The following FAT3 variants were observed in gnomAD, a reference collection of about 807,000 sequenced individuals.
FAT3 encodes protocadherin Fat 3.
In FAT3, 95 loss-of-function variants were observed where a neutral mutation model predicts 310.2. The ratio of observed to expected loss-of-function variants is 0.31; its 90% CI spans 0.26 to 0.36. FAT3 has a LOEUF of 0.36. Ranked by LOEUF, FAT3 falls within the 10% of genes least tolerant of loss-of-function variation. The probability of loss-of-function intolerance (pLI) is 1.00; values close to 1 mark genes in which losing one functional copy is unlikely to be tolerated. For missense variants in FAT3, 5,408 were observed against 5,715.6 expected, an observed-to-expected ratio of 0.95 and a Z score of 1.74; for synonymous variants, 2,314 against 2,192.9, an observed-to-expected ratio of 1.06 and a Z score of -1.54.
At chr11:92,855,118 A>G (rs1197237331) in intron 19 of FAT3, among the ~76,000 whole-genome samples, 1 of 152,224 alleles carries the variant, frequency 6.6e-6, no homozygotes, top group Non-Finnish European at 1.5e-5. Flanking sequence ...CTACTGGTCA[A>G]TATTTAGGAG....
intron 3 of FAT3, among the ~76,000 whole-genome samples, chr11:92,526,940 C>T (rs605677): frequency 0.48 from 72,961 of 152,000 alleles, 17,649 homozygotes; most frequent in Middle Eastern, 0.62. Context: ...CTTATTGTAC[C>T]TATTACTTTT....
intron 3 of FAT3, among the ~76,000 whole-genome samples, chr11:92,549,558 G>A (rs1281980676): frequency 6.6e-6 from 1 of 151,536 alleles, no homozygotes; most frequent in East Asian, 2.0e-4. Context: ...TTATGACTTT[G>A]GCATTTACTT....
At position 92,890,621 on chromosome 11, in the gene FAT3, C is replaced by T. The variant is rs933295331; in HGVS notation, c.13278C>T (p.Tyr4426=). 1 of 1,613,870 alleles carries T rather than the reference C, an allele frequency of 6.2e-7. No individual in the cohort carries two copies. ...GCACACGGGAGCTGGAGAGCGATTA[C>T]TACCTGGGTGGTTATGACATTGACA... The part of the protein sequence containing the change: ...QGSTRELESD[Y]YLGGYDIDSE... Residue 4426 remains tyrosine (Y), a synonymous_variant, in exon 28 of 28, where the codon TAC becomes TAT. Coordinates refer to ENST00000525166, the MANE Select transcript of FAT3 (RefSeq NM_001367949.2).
chr11:92,798,668 G>T lies in FAT3; in HGVS notation c.5655G>T (p.Gln1885His). ...DVNDNPPVFT[Q>H]AVFETILLLP... Reference sequence around the variant, plus strand: ...ATGATAACCCACCTGTTTTTACTCAGGCTGTGTTTGAGACTATCTTACTTC... The same window carrying T: ...ATGATAACCCACCTGTTTTTACTCATGCTGTGTTTGAGACTATCTTACTTC... The change falls in exon 10 of 28, where the codon CAG (glutamine) becomes CAT (histidine). Residue 1885 changes from glutamine to histidine, a missense_variant. Around this residue, in one of 5 missense-constraint regions of FAT3, gnomAD observed 4,588 missense variants for 4,809.8 expected, o/e 0.95. Transcript: ENST00000525166. 6.2e-7 allele frequency: 1 copy of T among 1,613,720 alleles called. No individual in the cohort carries two copies. The highest frequency in any genetic ancestry group is 8.5e-7 in the Non-Finnish European group (1 of 1,179,814).
intron 3 of FAT3, among the ~76,000 whole-genome samples, chr11:92,624,438 C>T (rs569527749): frequency 7.7e-4 from 117 of 152,262 alleles, no homozygotes; most frequent in African/African-American, 2.6e-3. Context: ...AGACTAAGGA[C>T]ACTTTTCTCT....
rs149854156 is a variant in FAT3, at chr11:92,650,372, G to A, written c.3608-47012G>A. Among the ~76,000 whole-genome samples the A allele has an allele frequency of 4.6e-5, 7 of 152,152 alleles. No individual in the cohort carries two copies. The East Asian group carries it at 5.8e-4, about 13-fold the overall frequency. On this transcript the variant is annotated intron_variant, in intron 3 of 27. Coordinates refer to ENST00000525166, the MANE Select transcript of FAT3 (RefSeq NM_001367949.2). ...GACAAATCTTAATATTCACAGCCTC[G>A]CTACATACCTATCCTTCTGTTTGCA...
Position 92,355,395 on chromosome 11 carries a change from G to A in FAT3, c.3283G>A (p.Asp1095Asn), listed in dbSNP as rs774427780. ...TGGTCTTGGAAGGTTCAGTATAGAC[G>A]ACGAGAGTGGTAAGTGTAATATTTT... is the stretch of plus-strand genomic sequence containing the variant. ...GSGLGRFSID[D>N]ESGVITAADI... The change falls in exon 2 of 28, where the codon GAC becomes AAC. Residue 1095 changes from aspartate (D) to asparagine (N), a missense_variant. This residue lies in a region of FAT3 where 4,588 missense variants were observed against 4,809.8 expected (regional missense o/e 0.95). Transcript: ENST00000525166. 4.4e-6 allele frequency: 7 copies of A among 1,607,570 alleles called. No individual in the cohort carries two copies. Among genetic ancestry groups the A allele is most frequent in the Non-Finnish European group, 6.0e-6 (7 of 1,175,422 alleles).
chr11:92,545,152 CTCT>C (rs1441985687), intron 3 of FAT3, among the ~76,000 whole-genome samples: 2 of 152,136 alleles, frequency 1.3e-5, no homozygotes, highest in South Asian at 2.1e-4. Flanking sequence ...GCCTGAACCT[CTCT>C]TCTTCTTGAT....
At chr11:92,531,515 G>C (rs564352584) in intron 3 of FAT3, among the ~76,000 whole-genome samples, 1 of 152,226 alleles carries the variant, frequency 6.6e-6, no homozygotes, top group East Asian at 1.9e-4. Flanking sequence ...CTCTTGCCCT[G>C]GCTGGGACCT....
intron 4 of FAT3, among the ~76,000 whole-genome samples, chr11:92,722,844 T>C (rs1944902355): frequency 6.6e-6 from 1 of 152,164 alleles, no homozygotes; most frequent in Admixed American, 6.5e-5. Flanking sequence ...CTTTCAGCCA[T>C]GGCTAGGGTG....
At chr11:92,498,701 T>G (rs1227307500) in intron 2 of FAT3, 4 of 153,834 alleles carry the variant, frequency 2.6e-5, no homozygotes, top group Non-Finnish European at 5.8e-5. Flanking sequence ...TGAATGCAAT[T>G]TCATCATTCT....
At chr11:92,475,541 A>G (rs1952027191) in intron 2 of FAT3, among the ~76,000 whole-genome samples, 1 of 151,318 alleles carries the variant, frequency 6.6e-6, no homozygotes, top group South Asian at 2.1e-4. Flanking sequence ...AAGCCTTGAA[A>G]CTCTCACTCT....
intron 4 of FAT3, among the ~76,000 whole-genome samples, chr11:92,754,596 C>G (rs1400233053): frequency 8.2e-6 from 1 of 122,574 alleles, no homozygotes; most frequent in African/African-American, 3.6e-5. Context: ...CCATTGCACT[C>G]CAGCCTGGGC....
At chr11:92,722,154 C>G (rs1419639456) in intron 4 of FAT3, among the ~76,000 whole-genome samples, 1 of 152,184 alleles carries the variant, frequency 6.6e-6, no homozygotes, top group East Asian at 1.9e-4. Flanking sequence ...AAGTCCCTTC[C>G]ACCTATGAGC....
At chr11:92,515,604 G>T (rs2135326952) in intron 2 of FAT3, among the ~76,000 whole-genome samples, 1 of 152,152 alleles carries the variant, frequency 6.6e-6, no homozygotes, top group East Asian at 1.9e-4. Context: ...TTTGAGAAGA[G>T]AATTTTATAT....
Position 92,801,971 on chromosome 11 carries a change from C to T in FAT3, c.8896+62C>T, listed in dbSNP as rs1020029199. 12 of 1,467,660 alleles carry T rather than the reference C, an allele frequency of 8.2e-6. No homozygotes were observed. The East Asian group carries it at 1.1e-4, about 14-fold the overall frequency. 90.9% of individuals were successfully genotyped at this position (1,467,660 alleles called of 1,614,324 possible). ...CTTTATAAAGAAAGATGGAAGATGG[C>T]GGGGAGAAGAGTAAGAGAGAAGGAA... On this transcript the variant is annotated intron_variant, in intron 10 of 27. Coordinates refer to ENST00000525166, the MANE Select transcript of FAT3 (RefSeq NM_001367949.2).
At chr11:92,869,153 T>TA (rs1425847880) in intron 22 of FAT3, among the ~76,000 whole-genome samples, 1 of 152,214 alleles carries the variant, frequency 6.6e-6, no homozygotes, top group East Asian at 1.9e-4. Context: ...TGGGGGGACT[T>TA]ACGTTTTCCT....
intron 1 of FAT3, among the ~76,000 whole-genome samples, 159 bp downstream of exon 1, chr11:92,225,333 A>G (rs567112407): frequency 5.6e-4 from 85 of 152,210 alleles, no homozygotes; most frequent in Admixed American, 5.9e-4. Context: ...TTCACCTTGT[A>G]AAGTTCCAAC....
chr11:92,720,561 G>GT (rs1465553930), intron 4 of FAT3, among the ~76,000 whole-genome samples: 1 of 152,148 alleles, frequency 6.6e-6, no homozygotes, highest in African/African-American at 2.4e-5. Flanking sequence ...TTAGCATTTG[G>GT]TGAAGGACTT....
Sources: gnomAD v4.1 joint callset for allele counts (sites outside exome capture counted in the v4.1 genomes callset) on GRCh38, gnomAD v4.1.1 for gene constraint, gnomAD v4.1.1 regional missense constraint, MANE v1.5 for transcripts, NCBI Gene and HGNC (gene_info 2026-07-23, HGNC 2026-07-21) for gene names.